Variants in ZNF385D observed in about 807,000 individuals in gnomAD.
ZNF385D encodes the protein zinc finger protein 385D.
In ZNF385D, 15 loss-of-function variants were observed where a neutral mutation model predicts 35.8. The observed-to-expected ratio is 0.42, with a 90% CI of 0.28 to 0.64. The LOEUF is 0.64. Among genes scored for constraint, ZNF385D ranks in the 30% least tolerant of loss-of-function variants. ZNF385D has a pLI of 0.23. For missense variants in ZNF385D, 474 were observed against 494.6 expected, an observed-to-expected ratio of 0.96 and a Z score of 0.39; for synonymous variants, 212 against 186.8, an observed-to-expected ratio of 1.13 and a Z score of -1.10.
intron 2 of ZNF385D, among the ~76,000 whole-genome samples, chr3:22,306,703 G>A (rs1340990909): frequency 6.6e-6 from 1 of 152,114 alleles, no homozygotes; most frequent in Non-Finnish European, 1.5e-5. Flanking sequence ...ATTAGCATGA[G>A]AATTGTCAGA....
At chr3:22,072,002 T>C (rs573834402) in intron 3 of ZNF385D, among the ~76,000 whole-genome samples, 1 of 152,250 alleles carries the variant, frequency 6.6e-6, no homozygotes, top group African/African-American at 2.4e-5. Flanking sequence ...AAAAGATACA[T>C]AATTCTTTTC....
chr3:22,287,157 T>C (rs186886462), intron 2 of ZNF385D, among the ~76,000 whole-genome samples: 8 of 152,186 alleles, frequency 5.3e-5, no homozygotes. Context: ...ACAGTTTTTT[T>C]ACTTAAAGCT....
At chr3:21,487,179 C>T (rs1342118408) in intron 4 of ZNF385D, among the ~76,000 whole-genome samples, 1 of 152,108 alleles carries the variant, frequency 6.6e-6, no homozygotes, top group East Asian at 1.9e-4. Context: ...TAGGACAACT[C>T]GCACTTTACC....
chr3:21,422,072 T>C (rs889638851), intron 7 of ZNF385D, among the ~76,000 whole-genome samples: 1 of 152,240 alleles, frequency 6.6e-6, no homozygotes, highest in Non-Finnish European at 1.5e-5. Flanking sequence ...GTTCATTCTC[T>C]GGCTAGTAAC....
chr3:22,131,522 A>G (rs1703786156), intron 3 of ZNF385D, among the ~76,000 whole-genome samples: 1 of 152,274 alleles, frequency 6.6e-6, no homozygotes, highest in East Asian at 1.9e-4. Flanking sequence ...GATGAGAAAT[A>G]CCCAGTAGAG....
chr3:22,050,146 G>GT (rs1324625238), intron 3 of ZNF385D, among the ~76,000 whole-genome samples: 1 of 151,364 alleles, frequency 6.6e-6, no homozygotes, highest in African/African-American at 2.4e-5. Context: ...CATGAGGATT[G>GT]TTTGAGCCCA....
chr3:21,976,874 G>A lies in ZNF385D; in HGVS notation c.325+191943C>T, dbSNP rs559877024. On this transcript the variant is annotated intron_variant, in intron 3 of 5. Coordinates refer to the ZNF385D transcript ENST00000494108. Reference sequence around the variant, plus strand: ...GTTGTGTTGCATGCCTGTAATCCCAGCTACTTGGGAGGCTGAGGAAGGAGA... The same window carrying A: ...GTTGTGTTGCATGCCTGTAATCCCAACTACTTGGGAGGCTGAGGAAGGAGA... 3.9e-5 allele frequency among the ~76,000 whole-genome samples: 6 copies of A among 152,304 alleles called. No individual in the cohort carries two copies. In the South Asian group the frequency reaches 1.2e-3, roughly 32 times the overall value.
intron 3 of ZNF385D, among the ~76,000 whole-genome samples, chr3:21,941,946 G>C (rs148887013): frequency 1.6e-3 from 238 of 152,182 alleles, no homozygotes; most frequent in African/African-American, 5.5e-3. Context: ...AAGTCCCATA[G>C]CTAGAAGCCA....
chr3:22,310,946 T>C (rs1370523470), intron 2 of ZNF385D, among the ~76,000 whole-genome samples: 1 of 151,918 alleles, frequency 6.6e-6, no homozygotes, highest in Non-Finnish European at 1.5e-5. Context: ...AAGTTTTTGA[T>C]GTTATAAGTC....
intron 4 of ZNF385D, among the ~76,000 whole-genome samples, chr3:21,468,597 C>T (rs749493858): frequency 3.9e-5 from 6 of 151,906 alleles, no homozygotes; most frequent in Non-Finnish European, 7.4e-5. Context: ...AACCTCAAAA[C>T]CCTATGTTGA....
chr3:21,754,067 A>G (rs1174685349), upstream of ZNF385D, among the ~76,000 whole-genome samples: 1 of 152,226 alleles, frequency 6.6e-6, no homozygotes, highest in Non-Finnish European at 1.5e-5. Context: ...TATATGCGAC[A>G]TCTTTGTTAT....
At chr3:21,762,969 C>T (rs1042070426) in intron 3 of ZNF385D, among the ~76,000 whole-genome samples, 12 of 152,156 alleles carry the variant, frequency 7.9e-5, no homozygotes, top group African/African-American at 2.9e-4. Context: ...TCATAAACAT[C>T]CTGCATGCTA....
At chr3:22,275,075 T>C (rs1183274915) in intron 2 of ZNF385D, among the ~76,000 whole-genome samples, 1 of 152,124 alleles carries the variant, frequency 6.6e-6, no homozygotes, top group Admixed American at 6.5e-5. Context: ...TACTTGAAAA[T>C]GTTATTTCTC....
chr3:22,360,974 C>T (rs1319788580), intron 2 of ZNF385D, among the ~76,000 whole-genome samples: 2 of 152,028 alleles, frequency 1.3e-5, no homozygotes, highest in Admixed American at 6.6e-5. Flanking sequence ...ATTACCCAAA[C>T]CTTTTGTTAT....
chr3:22,163,740 C>A (rs1706122936), intron 3 of ZNF385D, among the ~76,000 whole-genome samples: 1 of 152,118 alleles, frequency 6.6e-6, no homozygotes, highest in African/African-American at 2.4e-5. Flanking sequence ...ATTGTTATTT[C>A]TTTCTTGACA....
Position 22,132,312 on chromosome 3 carries a change from C to T in ZNF385D, c.325+36505G>A, listed in dbSNP as rs139797187. Among the ~76,000 whole-genome samples, 99 of 152,208 alleles carry T rather than the reference C, an allele frequency of 6.5e-4. 2 individuals are homozygous for T. Among genetic ancestry groups the T allele is most frequent in the East Asian group, 4.8e-3 (25 of 5,180 alleles). ...ACAGTGCCATCTATGAACTAAGAAACGGACATTCATCAGATACCAAATCTG... is the reference window on the plus strand; with the variant it reads ...ACAGTGCCATCTATGAACTAAGAAATGGACATTCATCAGATACCAAATCTG... On this transcript the variant is annotated intron_variant, in intron 3 of 5. Coordinates refer to the ZNF385D transcript ENST00000494108.
At chr3:22,242,067 G>T (rs1235939611) in intron 2 of ZNF385D, among the ~76,000 whole-genome samples, 1 of 148,462 alleles carries the variant, frequency 6.7e-6, no homozygotes, top group African/African-American at 2.5e-5. Flanking sequence ...ACACTCTGGG[G>T]ACTGTTGTGG....
chr3:21,429,599 A>G (rs868563997), intron 5 of ZNF385D, among the ~76,000 whole-genome samples: 4 of 152,074 alleles, frequency 2.6e-5, no homozygotes, highest in African/African-American at 7.2e-5. Flanking sequence ...AAAGAATATA[A>G]CTATTTTTAA....
At chr3:22,226,934 C>T (rs1452977642) in intron 2 of ZNF385D, among the ~76,000 whole-genome samples, 4 of 152,136 alleles carry the variant, frequency 2.6e-5, no homozygotes, top group Non-Finnish European at 5.9e-5. Context: ...TCTTCCTTGA[C>T]ATATTTCTGC....
Sources: gnomAD v4.1 joint callset for allele counts (sites outside exome capture counted in the v4.1 genomes callset) on GRCh38, gnomAD v4.1.1 for gene constraint, MANE v1.5 for transcripts, NCBI Gene and HGNC (gene_info 2026-07-23, HGNC 2026-07-21) for gene names.